Variants in PDE1A observed in about 807,000 individuals in gnomAD.
The protein encoded by PDE1A is phosphodiesterase 1A, also known as dual specificity calcium/calmodulin-dependent 3',5'-cyclic nucleotide phosphodiesterase 1A.
Under a neutral mutation model 61.7 loss-of-function variants are expected in PDE1A, and 35 were observed. The ratio of observed to expected loss-of-function variants is 0.57; its 90% confidence interval spans 0.43 to 0.75. PDE1A has a LOEUF of 0.75. Ranked by LOEUF, PDE1A falls within the 30% of genes least tolerant of loss-of-function variation. The pLI is 0.00. For synonymous variants in PDE1A, 232 were observed against 213.2 expected (o/e 1.09, Z -0.77); for missense variants, 597 against 630.6 (o/e 0.95, Z 0.57).
chr2:182,388,233 TA>T (rs1332610925), intron 1 of PDE1A, among the ~76,000 whole-genome samples: 11 of 152,104 alleles, frequency 7.2e-5, no homozygotes, highest in Admixed American at 7.2e-4. Flanking sequence ...ACAATAATAG[TA>T]GGGGATATCA....
intron 2 of PDE1A, among the ~76,000 whole-genome samples, chr2:182,466,574 T>C (rs1331039573): frequency 6.6e-6 from 1 of 151,864 alleles, no homozygotes; most frequent in Non-Finnish European, 1.5e-5. Context: ...GAGGTGAGGA[T>C]GGAAACAGTG....
At chr2:182,657,961 A>T in the PDE1A span, among the ~76,000 whole-genome samples, 1 of 147,802 alleles carries the variant, frequency 6.8e-6, no homozygotes, top group South Asian at 2.2e-4. Context: ...TGGGAATAAT[A>T]TCTACCCTGC....
intron 1 of PDE1A, among the ~76,000 whole-genome samples, chr2:182,281,643 G>A (rs189584485): frequency 7.2e-5 from 11 of 152,112 alleles, no homozygotes; most frequent in Non-Finnish European, 1.5e-5. Context: ...AGCCAGAAGA[G>A]AACTGAAGAA....
intron 1 of PDE1A, among the ~76,000 whole-genome samples, chr2:182,348,603 T>C (rs943202774): frequency 1.3e-5 from 2 of 152,108 alleles, no homozygotes; most frequent in African/African-American, 4.8e-5. Context: ...TCTATACATG[T>C]ATAGATTACA....
intron 2 of PDE1A, among the ~76,000 whole-genome samples, chr2:182,432,420 T>TTTC (rs1202202276): frequency 7.4e-6 from 1 of 134,488 alleles, no homozygotes; most frequent in Non-Finnish European, 1.6e-5. Flanking sequence ...AAATTGAGCT[T>TTTC]TGCTGTTGTT....
the PDE1A span, among the ~76,000 whole-genome samples, chr2:182,535,859 G>A: frequency 1.3e-5 from 2 of 152,136 alleles, no homozygotes; most frequent in African/African-American, 4.8e-5. Flanking sequence ...CGGAAAATGG[G>A]TTTTAAATGA....
Position 182,479,018 on chromosome 2 carries a change from CAATA to C in PDE1A, c.101+43254_101+43257del, listed in dbSNP as rs538947353. ...TTATATACCATCTTGCTTCAAAACA[CAATA>C]GATATGATTGATGATATTCCCTTAT... On this transcript the variant is annotated intron_variant, in intron 2 of 14. Coordinates refer to the PDE1A transcript ENST00000410103. Among the ~76,000 whole-genome samples, 562 of 151,912 alleles carry C rather than the reference CAATA, an allele frequency of 3.7e-3. 1 individual carries two copies. The highest frequency in any genetic ancestry group is 0.013 in the African/African-American group (530 of 41,462).
At chr2:182,245,408 G>A (rs1217644963) in intron 2 of PDE1A, among the ~76,000 whole-genome samples, 1 of 152,074 alleles carries the variant, frequency 6.6e-6, no homozygotes, top group African/African-American at 2.4e-5. Context: ...CATTCTATGG[G>A]TTTTGATAAA....
At chr2:182,377,587 G>C (rs1406533264) in intron 1 of PDE1A, among the ~76,000 whole-genome samples, 1 of 152,180 alleles carries the variant, frequency 6.6e-6, no homozygotes, top group Non-Finnish European at 1.5e-5. Flanking sequence ...GCTAGTGGAA[G>C]TGAAAAATTG....
chr2:182,603,554 T>A, the PDE1A span, among the ~76,000 whole-genome samples: 1 of 152,210 alleles, frequency 6.6e-6, no homozygotes. Context: ...TTTGCCATGT[T>A]GGCCAGGCTG....
chr2:182,689,184 G>C, the PDE1A span, among the ~76,000 whole-genome samples: 2 of 152,186 alleles, frequency 1.3e-5, no homozygotes, highest in African/African-American at 2.4e-5. Context: ...AGACTTAATA[G>C]ACATCTACAA....
downstream of PDE1A, among the ~76,000 whole-genome samples, chr2:182,163,220 T>G (rs1047426967): frequency 6.6e-6 from 1 of 152,180 alleles, no homozygotes; most frequent in Non-Finnish European, 1.5e-5. Context: ...TTGAACACAT[T>G]AACACATCTG....
chr2:182,322,684 A>T (rs1387163441), intron 1 of PDE1A, among the ~76,000 whole-genome samples: 1 of 152,172 alleles, frequency 6.6e-6, no homozygotes, highest in East Asian at 1.9e-4. Context: ...TATGTGATTC[A>T]CCAATAGTTT....
intron 1 of PDE1A, among the ~76,000 whole-genome samples, chr2:182,289,944 C>T (rs1422576277): frequency 1.3e-5 from 2 of 152,166 alleles, no homozygotes; most frequent in East Asian, 3.9e-4. Flanking sequence ...TCTGTATTGA[C>T]ATAAACCCCA....
chr2:182,240,015 T>C, intron 3 of PDE1A, 95 bp downstream of exon 3: 3 of 1,059,304 alleles, frequency 2.8e-6, no homozygotes, highest in South Asian at 2.2e-5. Context: ...TTTTCGTCAA[T>C]AAGTGAAATA....
chr2:182,225,793 AAAT>A (rs1689095476), intron 6 of PDE1A, among the ~76,000 whole-genome samples: 2 of 150,170 alleles, frequency 1.3e-5, no homozygotes. Flanking sequence ...TAAATCTGGG[AAAT>A]AATAGCTAAC....
chr2:182,334,128 C>T (rs1365868609), intron 1 of PDE1A, among the ~76,000 whole-genome samples: 3 of 152,030 alleles, frequency 2.0e-5, no homozygotes, highest in African/African-American at 7.3e-5. Context: ...CAGACAGATT[C>T]ACAGCCGAAT....
intron 1 of PDE1A, among the ~76,000 whole-genome samples, chr2:182,288,311 C>T (rs1445684096): frequency 6.6e-6 from 1 of 152,076 alleles, no homozygotes. Context: ...AATCAGAAAG[C>T]TATCAAAGGT....
intron 1 of PDE1A, among the ~76,000 whole-genome samples, chr2:182,360,708 G>C: frequency 6.6e-6 from 1 of 151,650 alleles, no homozygotes; most frequent in Non-Finnish European, 1.5e-5. Flanking sequence ...AATCCCACCT[G>C]CATTTTTAGA....
Sources: gnomAD v4.1 joint callset for allele counts (sites outside exome capture counted in the v4.1 genomes callset) on GRCh38, gnomAD v4.1.1 for gene constraint, MANE v1.5 for transcripts, NCBI Gene and HGNC (gene_info 2026-07-23, HGNC 2026-07-21) for gene names.